FRMD4A: variants seen among roughly 807,000 people sequenced by gnomAD.
FRMD4A encodes the protein FERM domain containing 4A, also known as FERM domain-containing protein 4A.
FRMD4A carries 29 observed loss-of-function variants against 129.1 expected under a neutral mutation model. That is an observed-to-expected ratio of 0.22 (90% CI 0.17 to 0.31). The LOEUF (loss-of-function observed/expected upper bound fraction) is 0.31, where lower values mean the gene tolerates loss of function less well. FRMD4A is among the 10% of genes least tolerant of loss of function. The pLI, the probability that FRMD4A is intolerant of heterozygous loss-of-function variation, is 1.00. For synonymous variants in FRMD4A, 634 were observed against 571.6 expected (o/e 1.11, Z -1.56); for missense variants, 1,272 against 1,375.8 (o/e 0.92, Z 1.19).
At chr10:14,068,630 C>G (rs1170239472) in intron 2 of FRMD4A, among the ~76,000 whole-genome samples, 1 of 152,126 alleles carries the variant, frequency 6.6e-6, no homozygotes, top group Non-Finnish European at 1.5e-5. Context: ...TAATTAAATT[C>G]TACAGAAACA....
intron 2 of FRMD4A, among the ~76,000 whole-genome samples, chr10:14,029,631 C>G (rs192834780): frequency 4.1e-4 from 62 of 152,230 alleles, no homozygotes; most frequent in African/African-American, 1.3e-3. Context: ...ATCAGACCAC[C>G]ACACAGTGGA....
At chr10:14,065,968 G>A (rs1835034903) in intron 2 of FRMD4A, among the ~76,000 whole-genome samples, 1 of 150,562 alleles carries the variant, frequency 6.6e-6, no homozygotes, top group African/African-American at 2.4e-5. Flanking sequence ...ACAACTTCCA[G>A]AAAACAACGT....
intron 2 of FRMD4A, among the ~76,000 whole-genome samples, chr10:14,179,931 G>A (rs974105275): frequency 6.6e-6 from 1 of 152,146 alleles, no homozygotes. Flanking sequence ...CTACTCAGGA[G>A]GCTGATGCAG....
At chr10:14,309,164 T>C (rs887070151) in intron 2 of FRMD4A, among the ~76,000 whole-genome samples, 3 of 152,176 alleles carry the variant, frequency 2.0e-5, no homozygotes, top group Non-Finnish European at 4.4e-5. Flanking sequence ...AAATCGTACA[T>C]GTAGACTGGG....
chr10:14,018,232 G>A (rs1048836821), intron 2 of FRMD4A, among the ~76,000 whole-genome samples: 2 of 151,376 alleles, frequency 1.3e-5, no homozygotes, highest in African/African-American at 4.9e-5. Flanking sequence ...AGATCAGAAG[G>A]TCAGAAGATC....
intron 8 of FRMD4A, among the ~76,000 whole-genome samples, chr10:13,757,298 A>T (rs1050346574): frequency 6.6e-6 from 1 of 152,254 alleles, no homozygotes; most frequent in African/African-American, 2.4e-5. Context: ...TATATACATC[A>T]GGAAATGAAA....
chr10:14,277,885 C>T (rs886185404), intron 2 of FRMD4A, among the ~76,000 whole-genome samples: 1 of 152,224 alleles, frequency 6.6e-6, no homozygotes, highest in African/African-American at 2.4e-5. Context: ...ATGGCCTGAG[C>T]TCCCTTTAAT....
chr10:13,960,055 G>A (rs896734562), intron 2 of FRMD4A, among the ~76,000 whole-genome samples: 2 of 152,128 alleles, frequency 1.3e-5, no homozygotes, highest in African/African-American at 2.4e-5. Flanking sequence ...CTTTGGATCC[G>A]GGATCAGAGG....
chr10:14,116,740 GAA>G, intron 2 of FRMD4A, among the ~76,000 whole-genome samples: 1 of 152,194 alleles, frequency 6.6e-6, no homozygotes, highest in Non-Finnish European at 1.5e-5. Context: ...ATAGGACAGT[GAA>G]CTCAAACCAG....
At chr10:13,938,658 A>G (rs886864611) in intron 2 of FRMD4A, among the ~76,000 whole-genome samples, 3 of 152,246 alleles carry the variant, frequency 2.0e-5, no homozygotes, top group Non-Finnish European at 4.4e-5. Flanking sequence ...TACAGGGCAC[A>G]GAAGGGTTAA....
At position 13,674,962 on chromosome 10, in the gene FRMD4A, T is replaced by C; in HGVS notation, c.1200A>G (p.Glu400=). ...ALKSRQEALE[E]TLRQRLEELK... is the part of the protein sequence containing the mutation. ...GTTCCTCCAGCCTCTGACGCAGGGT[T>C]TCCTCCAGAGCTTCCTGCCTGGACT... The change falls in exon 16 of 25, where the codon GAA becomes GAG. Residue 400 remains glutamate, a synonymous_variant. Coordinates refer to ENST00000357447, the MANE Select transcript of FRMD4A (RefSeq NM_018027.5). 6.2e-7 allele frequency: 1 copy of C among 1,614,066 alleles called. No individual in the cohort carries two copies.
intron 2 of FRMD4A, among the ~76,000 whole-genome samples, chr10:14,055,063 C>T (rs1444471406): frequency 6.6e-6 from 1 of 152,120 alleles, no homozygotes; most frequent in African/African-American, 2.4e-5. Flanking sequence ...TATCTCAAAG[C>T]CACTTTGCTG....
chr10:13,698,603 G>A (rs1448957182), intron 14 of FRMD4A, among the ~76,000 whole-genome samples: 1 of 152,198 alleles, frequency 6.6e-6, no homozygotes, highest in Non-Finnish European at 1.5e-5. Flanking sequence ...GTGATAGTAT[G>A]CTAGATTAAC....
At chr10:14,289,171 T>G (rs182273011) in intron 2 of FRMD4A, among the ~76,000 whole-genome samples, 1 of 152,334 alleles carries the variant, frequency 6.6e-6, no homozygotes, top group East Asian at 1.9e-4. Context: ...AATTCCATTT[T>G]TAATTTTTTG....
At chr10:13,875,317 G>C (rs911695495) in intron 2 of FRMD4A, among the ~76,000 whole-genome samples, 7 of 152,214 alleles carry the variant, frequency 4.6e-5, no homozygotes, top group Admixed American at 2.0e-4. Flanking sequence ...GGAGTCTGGA[G>C]ACAGGGCTGC....
chr10:13,682,497 CTTTT>C (rs1170963559), intron 15 of FRMD4A, among the ~76,000 whole-genome samples: 13 of 55,802 alleles, frequency 2.3e-4, no homozygotes, highest in African/African-American at 5.0e-4. Flanking sequence ...TTCTTTCTTT[CTTTT>C]TTTTTTTTTT....
intron 15 of FRMD4A, among the ~76,000 whole-genome samples, chr10:13,686,936 T>G (rs2085138690): frequency 6.6e-6 from 1 of 152,194 alleles, no homozygotes; most frequent in Non-Finnish European, 1.5e-5. Context: ...TGTGCTATTT[T>G]CCTTAAAAAG....
At chr10:14,281,174 T>G (rs1256563791) in intron 2 of FRMD4A, among the ~76,000 whole-genome samples, 1 of 151,840 alleles carries the variant, frequency 6.6e-6, no homozygotes, top group East Asian at 1.9e-4. Flanking sequence ...GTATTTTTAG[T>G]AGAAGCAGGG....
chr10:13,835,025 G>A (rs953099438), intron 3 of FRMD4A, among the ~76,000 whole-genome samples: 3 of 152,208 alleles, frequency 2.0e-5, no homozygotes, highest in African/African-American at 7.2e-5. Context: ...CAAGAGTGAG[G>A]CTGCCAGGGG....
Sources: allele counts gnomAD v4.1 joint callset (sites outside exome capture counted in the v4.1 genomes callset), GRCh38; gene constraint gnomAD v4.1.1; transcripts MANE v1.5; gene names NCBI Gene and HGNC (gene_info 2026-07-23, HGNC 2026-07-21).